RAB3IP: variants seen among roughly 807,000 people sequenced by gnomAD.
RAB3IP encodes the protein RAB3A interacting protein.
RAB3IP carries 36 observed loss-of-function variants against 59.1 expected under a neutral mutation model. The ratio of observed to expected loss-of-function variants is 0.61; its 90% CI spans 0.47 to 0.80. RAB3IP has a LOEUF of 0.80. Ranked by LOEUF, RAB3IP falls within the 30% of genes least tolerant of loss-of-function variation. RAB3IP has a pLI of 0.00. For synonymous variants in RAB3IP, 207 were observed against 191.2 expected, an observed-to-expected ratio of 1.08 and a Z score of -0.68; for missense variants, 511 against 536.0, an observed-to-expected ratio of 0.95 and a Z score of 0.46.
Position 69,820,719 on chromosome 12 carries a change from GTGATGGCGCATGCC to G in RAB3IP, c.*5276_*5289del, listed in dbSNP as rs1267377336. The G allele has an allele frequency of 6.6e-6, 1 of 152,038 alleles. No individual in the cohort carries two copies. Among genetic ancestry groups the G allele is most frequent in the Non-Finnish European group, 1.5e-5 (1 of 68,074 alleles). The allele number at this position is 152,038 out of a possible 1,614,324, so 9.4% of individuals were successfully genotyped here. On this transcript the variant is annotated 3_prime_UTR_variant, in exon 11 of 11. Coordinates refer to ENST00000247833, the MANE Select transcript of RAB3IP (RefSeq NM_022456.5). ...ACTAAAAACACAAAATTAGTCAGGT[GTGATGGCGCATGCC>G]TGTAATCCCAGCTACTTGGGAGGCT...
chr12:69,783,508 T>C (rs1311047724), intron 3 of RAB3IP, among the ~76,000 whole-genome samples: 3 of 152,184 alleles, frequency 2.0e-5, no homozygotes, highest in African/African-American at 7.2e-5. Context: ...ACTCCGTCCT[T>C]CTGGTGAGGG....
intron 4 of RAB3IP, among the ~76,000 whole-genome samples, chr12:69,792,977 T>G (rs1276333188): frequency 6.6e-6 from 1 of 152,252 alleles, no homozygotes; most frequent in Non-Finnish European, 1.5e-5. Context: ...TATGAATTAC[T>G]TTTTCATTTA....
At chr12:69,758,378 G>C (rs1481062868) in intron 3 of RAB3IP, among the ~76,000 whole-genome samples, 4 of 152,084 alleles carry the variant, frequency 2.6e-5, no homozygotes, top group Non-Finnish European at 5.9e-5. Flanking sequence ...TGTCTCATTT[G>C]TTCCTTTTTC....
intron 4 of RAB3IP, among the ~76,000 whole-genome samples, chr12:69,786,778 G>A (rs1461672072): frequency 7.5e-6 from 1 of 133,830 alleles, no homozygotes; most frequent in Non-Finnish European, 1.6e-5. Flanking sequence ...GGATGTGAAG[G>A]GCCAGAAATG....
chr12:69,808,717 A>G (rs562196082), intron 8 of RAB3IP, among the ~76,000 whole-genome samples: 4,121 of 152,220 alleles, frequency 0.027, 195 homozygotes, highest in African/African-American at 0.094. Flanking sequence ...GACTAGGATT[A>G]CAACCCCTGC....
chr12:69,765,976 C>T (rs186100486), intron 3 of RAB3IP, among the ~76,000 whole-genome samples: 233 of 152,340 alleles, frequency 1.5e-3, no homozygotes, highest in African/African-American at 5.4e-3. Flanking sequence ...GGTCCCCAAT[C>T]TATCCTGGCT....
chr12:69,767,539 AAGTGTGCCTAGGCATGG>A (rs1447645762), intron 3 of RAB3IP, among the ~76,000 whole-genome samples: 2 of 152,226 alleles, frequency 1.3e-5, no homozygotes, highest in Non-Finnish European at 2.9e-5. Flanking sequence ...AAGTACCCAG[AAGTGTGCCTAGGCATGG>A]AGCTGGGAAT....
At chr12:69,797,028 A>G (rs765871384) in intron 6 of RAB3IP, among the ~76,000 whole-genome samples, 6 of 152,242 alleles carry the variant, frequency 3.9e-5, no homozygotes, top group Non-Finnish European at 5.9e-5. Flanking sequence ...AAAAAGTCTT[A>G]CTAGGCAAAG....
chr12:69,815,283 A>T, intron 10 of RAB3IP, 81 bp from the exon 11 acceptor site: 1 of 991,930 alleles, frequency 1.0e-6, no homozygotes, highest in Non-Finnish European at 1.6e-6. Context: ...TTGACATTTC[A>T]GCTAAGGTTT....
chr12:69,779,491 C>G (rs1874265574), intron 3 of RAB3IP, among the ~76,000 whole-genome samples: 1 of 152,074 alleles, frequency 6.6e-6, no homozygotes, highest in South Asian at 2.1e-4. Flanking sequence ...CGAACATTTT[C>G]TCTTTTGATG....
intron 1 of RAB3IP, among the ~76,000 whole-genome samples, chr12:69,743,785 A>T (rs942590206): frequency 6.7e-6 from 1 of 148,824 alleles, no homozygotes; most frequent in Admixed American, 6.8e-5. Flanking sequence ...TTTCATTTCT[A>T]TCTTTTTCAG....
chr12:69,812,673 G>T, intron 8 of RAB3IP, 105 bp from the exon 9 acceptor site: 1 of 725,588 alleles, frequency 1.4e-6, no homozygotes, highest in Non-Finnish European at 2.3e-6. Flanking sequence ...TACACAGTAG[G>T]TTCTCAAATA....
chr12:69,801,118 A>G (rs376802504), intron 7 of RAB3IP, among the ~76,000 whole-genome samples: 12 of 152,296 alleles, frequency 7.9e-5, no homozygotes, highest in South Asian at 4.1e-4. Context: ...GTTAGTTGCT[A>G]CCGTCTTCAT....
chr12:69,766,076 T>A (rs1020693716), intron 3 of RAB3IP, among the ~76,000 whole-genome samples: 2 of 152,182 alleles, frequency 1.3e-5, no homozygotes, highest in Non-Finnish European at 2.9e-5. Context: ...CCTTTAAGTA[T>A]TTTTGTTTGT....
Position 69,756,426 on chromosome 12 carries a change from C to A in RAB3IP, c.273C>A (p.Ala91=), listed in dbSNP as rs930954410. 6.2e-7 allele frequency: 1 copy of A among 1,613,876 alleles called. No individual in the cohort carries two copies. The highest frequency in any genetic ancestry group is 8.5e-7 in the Non-Finnish European group (1 of 1,179,944). ...SSISFHVTDP[A]PCSTSGVTAG... ...ACAGCTTTCATGTTACAGACCCAGCCCCTTGCTCTACCTCTGGAGTCACAG... is the reference window on the plus strand; with the variant it reads ...ACAGCTTTCATGTTACAGACCCAGCACCTTGCTCTACCTCTGGAGTCACAG... The change falls in exon 3 of 11, where the codon GCC becomes GCA. Residue 91 remains alanine (A), a synonymous_variant. Transcript: ENST00000247833.
At chr12:69,750,324 A>G (rs1443221032) in intron 1 of RAB3IP, among the ~76,000 whole-genome samples, 2 of 152,210 alleles carry the variant, frequency 1.3e-5, no homozygotes, top group African/African-American at 4.8e-5. Flanking sequence ...AGCAAATCCA[A>G]GTAATCTTAT....
At chr12:69,810,207 A>G (rs1443059655) in intron 8 of RAB3IP, among the ~76,000 whole-genome samples, 1 of 152,194 alleles carries the variant, frequency 6.6e-6, no homozygotes, top group Non-Finnish European at 1.5e-5. Context: ...TGGCTGCAGA[A>G]CAGCAGATAG....
chr12:69,770,843 C>G (rs1413024084), intron 3 of RAB3IP, among the ~76,000 whole-genome samples: 1 of 152,144 alleles, frequency 6.6e-6, no homozygotes, highest in Admixed American at 6.5e-5. Flanking sequence ...GCCATCACCT[C>G]AAATATTTAT....
intron 6 of RAB3IP, 187 bp downstream of exon 6, chr12:69,795,531 C>A: frequency 1.7e-6 from 1 of 599,604 alleles, no homozygotes; most frequent in Non-Finnish European, 3.0e-6. Context: ...ACCTGGCTGA[C>A]CTTGGAGTAC....
Sources: allele counts gnomAD v4.1 joint callset (sites outside exome capture counted in the v4.1 genomes callset), GRCh38; gene constraint gnomAD v4.1.1; transcripts MANE v1.5; gene names NCBI Gene and HGNC (gene_info 2026-07-23, HGNC 2026-07-21).